Variants in ROBO3 observed in about 807,000 individuals in gnomAD.
ROBO3 encodes roundabout homolog 3.
In ROBO3, 97 loss-of-function variants were observed where a neutral mutation model predicts 160.5. The ratio of observed to expected loss-of-function variants is 0.60; its 90% CI spans 0.51 to 0.72. The LOEUF (loss-of-function observed/expected upper bound fraction) is 0.72. ROBO3 is among the 30% of genes least tolerant of loss of function. The probability of loss-of-function intolerance (pLI) is 0.00; values close to 1 mark genes in which losing one functional copy is unlikely to be tolerated. For missense variants in ROBO3, 1,858 were observed against 1,846.5 expected, an observed-to-expected ratio of 1.01 and a Z score of -0.11; for synonymous variants, 780 against 746.2, an observed-to-expected ratio of 1.05 and a Z score of -0.74.
chr11:124,876,095 G>T lies in ROBO3; in HGVS notation c.2563G>T (p.Val855Leu). The T allele has an allele frequency of 6.2e-7, 1 of 1,606,764 alleles. No homozygotes were observed. The highest frequency in any genetic ancestry group is 8.5e-7 in the Non-Finnish European group (1 of 1,179,182). ...GGCGGCCACCAGCGCAGGCGTGGGC[G>T]TGCCCAGTGCCCCAGTGCTGGTGCA... ...VAAATSAGVG[V>L]PSAPVLVQLP... Residue 855 changes from valine (V) to leucine (L), a missense_variant, in exon 16 of 28, where the codon GTG (valine) becomes TTG (leucine). Val to Leu is a conservative substitution (Grantham distance 32). Transcript: ENST00000397801. This position sits in a 1 kb window ranked among gnomAD's most constrained non-coding sequence, Gnocchi z 5.3.
intron 26 of ROBO3, 77 bp downstream of exon 26, chr11:124,880,025 AC>A: frequency 7.3e-7 from 1 of 1,361,302 alleles, no homozygotes; most frequent in South Asian, 1.5e-5. Flanking sequence ...CTGATAGTAG[AC>A]CAGCTCAGCC....
intron 27 of ROBO3, 30 bp downstream of exon 27, chr11:124,880,638 G>A: frequency 6.6e-7 from 1 of 1,505,616 alleles, no homozygotes; most frequent in Non-Finnish European, 8.9e-7. Flanking sequence ...GAAAAATGAG[G>A]GCAGAGGACT....
In ROBO3 at chr11:124,874,771, GGTTCCTTGGTCAACAGATAGCA is replaced by G; in HGVS notation, c.1952-15_1958del. 6.2e-7 allele frequency: 1 copy of G among 1,602,444 alleles called. No individual in the cohort carries two copies. Among genetic ancestry groups the G allele is most frequent in the Non-Finnish European group, 8.5e-7 (1 of 1,174,564 alleles). On this transcript the variant is annotated splice_acceptor_variant and splice_polypyrimidine_tract_variant and coding_sequence_variant and intron_variant, in exon 13 of 28. Coordinates refer to ENST00000397801, the MANE Select transcript of ROBO3 (RefSeq NM_022370.4). LOFTEE classifies it high-confidence loss of function. ...TGTCCCTGGTGGCCTCTGCTGAATG[GGTTCCTTGGTCAACAGATAGCA>G]GCCCCTCTAGGCCAGTGGAGGACCC...
In ROBO3 at chr11:124,875,987, C is replaced by T. The variant is rs949673216; in HGVS notation, c.2455C>T (p.Leu819Phe). The change falls in exon 16 of 28, where the codon CTC (leucine) becomes TTC (phenylalanine). Residue 819 changes from leucine (L) to phenylalanine (F), a missense_variant. Transcript: ENST00000397801. The stretch of plus-strand genomic sequence containing the variant: ...CCTGGGCAATGAGAGCCGCTTTCAC[C>T]TCAATCGATCTGCAGCAGGCTGGGC... The part of the protein sequence containing the change: ...WCLGNESRFH[L>F]NRSAAGWARS... The T allele has an allele frequency of 6.2e-6, 10 of 1,600,140 alleles. No homozygotes were observed. The highest frequency in any genetic ancestry group is 7.7e-6 in the Non-Finnish European group (9 of 1,173,610).
chr11:124,876,721 C>T lies in ROBO3; in HGVS notation c.2779+261C>T, dbSNP rs948028553. 1.3e-5 allele frequency: 6 copies of T among 478,664 alleles called. No individual in the cohort carries two copies. The Admixed American group carries it at 1.9e-4, about 15-fold the overall frequency. 29.7% of individuals were successfully genotyped at this position (478,664 alleles called of 1,614,324 possible). On this transcript the variant is annotated intron_variant, in intron 17 of 27. Coordinates refer to ENST00000397801, the MANE Select transcript of ROBO3 (RefSeq NM_022370.4). This position sits in a 1 kb window ranked among gnomAD's most constrained non-coding sequence, Gnocchi z 5.3. ...CCACGAGGAGGCCAGGCTTTGCAACCATCTCCATAAAGAAGGGGCAAGTTC... is the reference window on the plus strand; with the variant it reads ...CCACGAGGAGGCCAGGCTTTGCAACTATCTCCATAAAGAAGGGGCAAGTTC...
intron 20 of ROBO3, 116 bp from the exon 21 acceptor site, chr11:124,877,821 A>T: frequency 8.5e-7 from 1 of 1,177,474 alleles, no homozygotes; most frequent in South Asian, 1.4e-5. Context: ...CTGGTTTAGG[A>T]TGTAAGGCTT....
chr11:124,865,757 G>A lies in ROBO3; in HGVS notation c.160+20G>A, dbSNP rs1349099198. The A allele has an allele frequency of 6.3e-7, 1 of 1,591,074 alleles. No individual in the cohort carries two copies. The highest frequency in any genetic ancestry group is 8.6e-7 in the Non-Finnish European group (1 of 1,169,196). ...TCAACGGTGAGACCCTGCCTCTTGG[G>A]GATATGGGATCCTGGGATGGGGATG... On this transcript the variant is annotated intron_variant, in intron 1 of 27. Coordinates refer to ENST00000397801, the MANE Select transcript of ROBO3 (RefSeq NM_022370.4). This position sits in a 1 kb window ranked among gnomAD's most constrained non-coding sequence, Gnocchi z 5.5.
Position 124,872,469 on chromosome 11 carries a change from G to A in ROBO3, c.1247G>A (p.Arg416His), listed in dbSNP as rs3862618. 195,528 of 1,613,832 alleles carry A rather than the reference G, an allele frequency of 0.12. 13,613 individuals carry two copies. Among genetic ancestry groups the A allele is most frequent in the East Asian group, 0.29 (12,903 of 44,860 alleles). ...RGQLNITAVQ[R>H]GDAGYYVCQA... The stretch of plus-strand genomic sequence containing the variant: ...CAACTTAACATCACCGCGGTGCAGC[G>A]TGGGGATGCTGGGTACTACGTGTGC... Residue 416 changes from arginine to histidine, a missense_variant, in exon 8 of 28, where the codon CGT becomes CAT. Coordinates refer to ENST00000397801, the MANE Select transcript of ROBO3 (RefSeq NM_022370.4). This position sits in a 1 kb window ranked among gnomAD's most constrained non-coding sequence, Gnocchi z 4.3.
At position 124,877,588 on chromosome 11, in the gene ROBO3, C is replaced by A. The variant is rs1227975789; in HGVS notation, c.2916C>A (p.Ser972Arg). 3 of 1,606,438 alleles carry A rather than the reference C, an allele frequency of 1.9e-6. No homozygotes were observed. The highest frequency in any genetic ancestry group is 2.2e-5 in the East Asian group (1 of 44,558). ...ATTCGTGGCCCCACCCATCTCGAAG[C>A]CCCTCGGCCCAGGAACCCAGGGGAA... Reference protein sequence around the residue: ...LADSWPHPSRSPSAQEPRGSC... With the variant: ...LADSWPHPSRRPSAQEPRGSC... The change falls in exon 20 of 28, where the codon AGC (serine) becomes AGA (arginine). Residue 972 changes from serine to arginine, a missense_variant. Coordinates refer to ENST00000397801, the MANE Select transcript of ROBO3 (RefSeq NM_022370.4).
Position 124,878,693 on chromosome 11 carries a change from C to T in ROBO3, c.3430C>T (p.Pro1144Ser). Residue 1144 changes from proline (P) to serine (S), a missense_variant, in exon 23 of 28, where the codon CCC becomes TCC. Physicochemically the swap from Pro to Ser is moderately conservative, Grantham distance 74 (BLOSUM62 -1). Transcript: ENST00000397801. This position sits in a 1 kb window ranked among gnomAD's most constrained non-coding sequence, Gnocchi z 4.3. The part of the protein sequence containing the change: ...VTPSRRETPS[P>S]TPSYGQQSTA... The stretch of plus-strand genomic sequence containing the variant: ...CCCATCCCGAAGGGAAACCCCCTCT[C>T]CCACACCTTCCTATGGACAGCAGTC... The T allele has an allele frequency of 1.2e-6, 2 of 1,613,872 alleles. No individual in the cohort carries two copies. Among genetic ancestry groups the T allele is most frequent in the Non-Finnish European group, 8.5e-7 (1 of 1,179,842 alleles).
In ROBO3 at chr11:124,869,633, C is replaced by T; in HGVS notation, c.645+26C>T. 6.5e-7 allele frequency: 1 copy of T among 1,540,538 alleles called. No homozygotes were observed. Among genetic ancestry groups the T allele is most frequent in the Non-Finnish European group, 8.8e-7 (1 of 1,140,532 alleles). On this transcript the variant is annotated intron_variant, in intron 3 of 27. Coordinates refer to ENST00000397801, the MANE Select transcript of ROBO3 (RefSeq NM_022370.4). The surrounding 1 kb of genome is among the most constrained non-coding windows in gnomAD (Gnocchi z 4.2). The stretch of plus-strand genomic sequence containing the variant: ...GTGAGGGCGGGATTATGATTGGAGA[C>T]CCCAACAAGGGAGGGGACATAGGGT...
Position 124,877,248 on chromosome 11 carries a change from G to GC in ROBO3, c.2804-14dup. On this transcript the variant is annotated intron_variant, in intron 18 of 27. Coordinates refer to ENST00000397801, the MANE Select transcript of ROBO3 (RefSeq NM_022370.4). ...GGACGGGCCCTTCTCTCACTCATTC[G>GC]CCCCCTCATTTTCCCCAGTGTCCTT... The GC allele has an allele frequency of 6.2e-7, 1 of 1,613,776 alleles. No individual in the cohort carries two copies. The highest frequency in any genetic ancestry group is 8.5e-7 in the Non-Finnish European group (1 of 1,179,828).
chr11:124,875,960 T>C lies in ROBO3; in HGVS notation c.2428T>C (p.Cys810Arg), dbSNP rs1946355759. The C allele has an allele frequency of 6.3e-7, 1 of 1,596,726 alleles. No individual in the cohort carries two copies. Among genetic ancestry groups the C allele is most frequent in the Non-Finnish European group, 8.5e-7 (1 of 1,171,842 alleles). ...CGGGACTCGGCCTCCCTAGATCTGG[T>C]GCCTGGGCAATGAGAGCCGCTTTCA... The part of the protein sequence containing the change: ...NGVITEYQIW[C>R]LGNESRFHLN... Residue 810 changes from cysteine (C) to arginine (R), a missense_variant, in exon 16 of 28, where the codon TGC becomes CGC. Coordinates refer to ENST00000397801, the MANE Select transcript of ROBO3 (RefSeq NM_022370.4).
At chr11:124,868,451 G>A (rs1946232004) in intron 1 of ROBO3, 1 of 577,936 alleles carries the variant, frequency 1.7e-6, no homozygotes, top group Non-Finnish European at 3.1e-6. Context: ...TGGGCAGGAG[G>A]CGAGGGAGCG....
chr11:124,867,748 G>A (rs1946219406), intron 1 of ROBO3, among the ~76,000 whole-genome samples: 1 of 150,132 alleles, frequency 6.7e-6, no homozygotes, highest in African/African-American at 2.5e-5. Flanking sequence ...CTGGAAGCGG[G>A]AGGTTCCTGC....
intron 6 of ROBO3, 86 bp downstream of exon 6, chr11:124,870,814 G>T (rs1946271375): frequency 4.5e-6 from 7 of 1,558,968 alleles, no homozygotes; most frequent in Non-Finnish European, 6.1e-6. Context: ...GGGAGAAAGG[G>T]CAGAGAAGGG....
At chr11:124,871,886 G>A (rs1946283575) in intron 7 of ROBO3, among the ~76,000 whole-genome samples, 1 of 152,166 alleles carries the variant, frequency 6.6e-6, no homozygotes, top group East Asian at 1.9e-4. Flanking sequence ...CGGTTAGTAG[G>A]GGTGAAGCAG....
Position 124,881,233 on chromosome 11 carries a change from C to T in ROBO3, c.4150-6C>T, listed in dbSNP as rs949157345. 6.2e-7 allele frequency: 1 copy of T among 1,605,590 alleles called. No individual in the cohort carries two copies. Among genetic ancestry groups the T allele is most frequent in the Admixed American group, 1.7e-5 (1 of 59,092 alleles). ...TACAAAACAGCATCTCTCTCTCTCT[C>T]CCTAGGAACCAAGATGACCCTTGTT... is the stretch of plus-strand genomic sequence containing the variant. On this transcript the variant is annotated splice_polypyrimidine_tract_variant and splice_region_variant and intron_variant, in intron 27 of 27. Transcript: ENST00000397801.
chr11:124,881,004 T>A (rs1946568035), intron 27 of ROBO3, among the ~76,000 whole-genome samples: 1 of 152,042 alleles, frequency 6.6e-6, no homozygotes. Context: ...CAGTGAGCCA[T>A]GATCACACCA....
Sources: gnomAD v4.1 joint callset for allele counts (sites outside exome capture counted in the v4.1 genomes callset) on GRCh38, gnomAD v4.1.1 for gene constraint, Gnocchi (gnomAD v3.1) non-coding constraint, MANE v1.5 for transcripts, NCBI Gene and HGNC (gene_info 2026-07-23, HGNC 2026-07-21) for gene names.